The following DDB2 variants were observed in gnomAD, a reference collection of about 807,000 sequenced individuals.
The protein encoded by DDB2 is DNA damage-binding protein 2.
In DDB2, 27 loss-of-function variants were observed where a neutral mutation model predicts 50.5. That is an observed-to-expected ratio of 0.53 (90% CI 0.39 to 0.74). DDB2 has a LOEUF of 0.74. DDB2 is among the 30% of genes least tolerant of loss of function. DDB2 has a pLI of 0.00. For missense variants in DDB2, 424 were observed against 545.6 expected (o/e 0.78, Z 2.22); for synonymous variants, 176 against 205.5 (o/e 0.86, Z 1.23).
chr11:47,233,202 T>C (rs1219040238), intron 4 of DDB2: 4 of 553,520 alleles, frequency 7.2e-6, no homozygotes, highest in Admixed American at 5.8e-5. Context: ...ATACCTGTAT[T>C]AGACTGGACC....
Position 47,233,947 on chromosome 11 carries a change from T to C in DDB2, c.603-626T>C, listed in dbSNP as rs375154759. ...AAATCTTCCTGCTTGAAGATATTCA[T>C]AGGGGATGGCAAAAGGCAGTGTAGC... On this transcript the variant is annotated intron_variant, in intron 4 of 9. Coordinates refer to ENST00000256996, the MANE Select transcript of DDB2 (RefSeq NM_000107.3). Among the ~76,000 whole-genome samples, 21 of 152,238 alleles carry C rather than the reference T, an allele frequency of 1.4e-4. No individual in the cohort carries two copies. In the East Asian group the frequency reaches 3.3e-3, roughly 24 times the overall value.
chr11:47,237,082 A>G (rs1453238890), intron 7 of DDB2, among the ~76,000 whole-genome samples: 1 of 152,164 alleles, frequency 6.6e-6, no homozygotes, highest in Non-Finnish European at 1.5e-5. Context: ...TTTAGCCATT[A>G]GCAATTTTAC....
At chr11:47,217,618 G>A (rs535520272) in intron 3 of DDB2, among the ~76,000 whole-genome samples, 1 of 152,090 alleles carries the variant, frequency 6.6e-6, no homozygotes, top group South Asian at 2.1e-4. Flanking sequence ...TGGGCTGGGC[G>A]CAGTGGCTCA....
chr11:47,235,432 A>G lies in DDB2; in HGVS notation c.1023+20A>G. The G allele has an allele frequency of 6.2e-7, 1 of 1,606,828 alleles. No homozygotes were observed. The highest frequency in any genetic ancestry group is 8.5e-7 in the Non-Finnish European group (1 of 1,179,410). ...ATCAAGGTGAGTGGCGGTGGGAAGG[A>G]GCTCGCAGAAGGAGGCTGTGATCAT... On this transcript the variant is annotated intron_variant, in intron 7 of 9. Transcript: ENST00000256996.
rs138991340 is a variant in DDB2, at chr11:47,234,427, C to A, written c.603-146C>A. 7 of 749,648 alleles carry A rather than the reference C, an allele frequency of 9.3e-6. No individual in the cohort carries two copies. In the East Asian group the frequency reaches 1.5e-4, roughly 16 times the overall value. 46.4% of individuals were successfully genotyped at this position (749,648 alleles called of 1,614,324 possible). ...GGTAGAGCAGTCTGAATGTTCCTCA[C>A]TAGGAATCCACGGCAAGACAGTTAT... On this transcript the variant is annotated intron_variant, in intron 4 of 9. Transcript: ENST00000256996.
chr11:47,230,811 G>C (rs1690641522), intron 3 of DDB2, among the ~76,000 whole-genome samples: 2 of 152,240 alleles, frequency 1.3e-5, no homozygotes, highest in Admixed American at 1.3e-4. Flanking sequence ...TTACATCTTG[G>C]GGATGTAAAG....
chr11:47,231,454 A>G (rs1288279110), intron 3 of DDB2, among the ~76,000 whole-genome samples: 2 of 152,218 alleles, frequency 1.3e-5, no homozygotes, highest in African/African-American at 4.8e-5. Flanking sequence ...TGATGAGTGA[A>G]ATGAAACAAG....
intron 3 of DDB2, chr11:47,217,259 C>T (rs1953413785): frequency 2.2e-6 from 1 of 459,978 alleles, no homozygotes; most frequent in South Asian, 2.0e-5. Flanking sequence ...GCCTATAATC[C>T]CAGCTACTCA....
upstream of DDB2, chr11:47,214,824 T>G (rs1953375414): frequency 1.6e-5 from 7 of 429,532 alleles, no homozygotes; most frequent in South Asian, 4.8e-5. Flanking sequence ...TCCAGGGAGG[T>G]CAGCTGACCC....
chr11:47,230,368 T>G (rs1953630139), intron 3 of DDB2, among the ~76,000 whole-genome samples: 1 of 152,212 alleles, frequency 6.6e-6, no homozygotes, highest in African/African-American at 2.4e-5. Flanking sequence ...TAGCTATTAT[T>G]TTTGCAACTC....
intron 7 of DDB2, chr11:47,235,766 A>T (rs986776370): frequency 3.8e-6 from 1 of 260,598 alleles, no homozygotes; most frequent in African/African-American, 2.4e-5. Context: ...TTTTTTTATT[A>T]TTTTTTTTAA....
chr11:47,224,862 ATAC>A (rs1409412651), intron 3 of DDB2, among the ~76,000 whole-genome samples: 3 of 151,560 alleles, frequency 2.0e-5, no homozygotes, highest in African/African-American at 7.3e-5. Flanking sequence ...TTCATTTCAG[ATAC>A]TGTATATCCC....
intron 3 of DDB2, among the ~76,000 whole-genome samples, chr11:47,231,262 G>A (rs1223532759): frequency 6.6e-6 from 1 of 151,834 alleles, no homozygotes; most frequent in Non-Finnish European, 1.5e-5. Context: ...ATGTTTGGAA[G>A]AATAGGAAGG....
chr11:47,234,978 C>G lies in DDB2; in HGVS notation c.880+44C>G. ...CATCTCTCCTGCAGACCCTGCCTGT[C>G]TGACCACTGCTGGGGTTTTCCCTCA... On this transcript the variant is annotated intron_variant, in intron 6 of 9. Transcript: ENST00000256996. 4 of 1,602,468 alleles carry G rather than the reference C, an allele frequency of 2.5e-6. No individual in the cohort carries two copies. In the South Asian group the frequency reaches 4.4e-5, roughly 18 times the overall value.
chr11:47,223,651 G>T (rs1281842363), intron 3 of DDB2, among the ~76,000 whole-genome samples: 1 of 151,974 alleles, frequency 6.6e-6, no homozygotes, highest in African/African-American at 2.4e-5. Flanking sequence ...GCGTGGTGGT[G>T]GGCGCCTGTA....
chr11:47,215,126 C>A lies in DDB2; in HGVS notation c.-11C>A, dbSNP rs954238770. On this transcript the variant is annotated 5_prime_UTR_variant, in exon 1 of 10. Transcript: ENST00000256996. ...GCATAGAGCACAGTACCCCTTCACA[C>A]GGAGGACGCGATGGCTCCCAAGAAA... 1.9e-6 allele frequency: 3 copies of A among 1,613,886 alleles called. No individual in the cohort carries two copies. The African/African-American group carries it at 4.0e-5, about 22-fold the overall frequency.
At chr11:47,215,321 G>A in intron 1 of DDB2, 58 bp downstream of exon 1, 2 of 1,610,944 alleles carry the variant, frequency 1.2e-6, no homozygotes, top group Non-Finnish European at 1.7e-6. Context: ...CGCGCAGGAG[G>A]CTGCAGCGGG....
rs774558233 is a variant in DDB2, at chr11:47,238,782, T to C, written c.1235-18T>C. The C allele has an allele frequency of 3.1e-6, 5 of 1,613,214 alleles. No individual in the cohort carries two copies. The Admixed American group carries it at 8.3e-5, about 27-fold the overall frequency. Reference sequence around the variant, plus strand: ...TGGTAACAGAAAGTGTAAGTCAGACTGGTCTCACTCTTCCTAGGTTACCAC... The same window carrying C: ...TGGTAACAGAAAGTGTAAGTCAGACCGGTCTCACTCTTCCTAGGTTACCAC... On this transcript the variant is annotated intron_variant, in intron 9 of 9. Coordinates refer to ENST00000256996, the MANE Select transcript of DDB2 (RefSeq NM_000107.3).
chr11:47,232,744 G>A (rs1025201774), intron 3 of DDB2, 70 bp from the exon 4 acceptor site: 9 of 1,575,990 alleles, frequency 5.7e-6, no homozygotes, highest in Non-Finnish European at 7.8e-6. Context: ...GGCGCAGCAT[G>A]TGTGCCCAGG....
Sources: allele counts gnomAD v4.1 joint callset (sites outside exome capture counted in the v4.1 genomes callset), GRCh38; gene constraint gnomAD v4.1.1; transcripts MANE v1.5; gene names NCBI Gene and HGNC (gene_info 2026-07-23, HGNC 2026-07-21).